Variants in CDKAL1 observed in about 807,000 individuals in gnomAD.
CDKAL1 encodes threonylcarbamoyladenosine tRNA methylthiotransferase.
A neutral mutation model predicts 68.2 loss-of-function variants in CDKAL1; 32 were observed. The ratio of observed to expected loss-of-function variants is 0.47; its 90% CI spans 0.35 to 0.63. CDKAL1 has a LOEUF of 0.63. CDKAL1 is among the 30% of genes least tolerant of loss of function. The pLI, the probability that CDKAL1 is intolerant of heterozygous loss-of-function variation, is 0.00. For synonymous variants in CDKAL1, 234 were observed against 244.3 expected (o/e 0.96, Z 0.39); for missense variants, 606 against 696.7 (o/e 0.87, Z 1.47).
chr6:20,544,363 C>A (rs1444393528), intron 2 of CDKAL1, among the ~76,000 whole-genome samples: 2 of 150,934 alleles, frequency 1.3e-5, no homozygotes, highest in African/African-American at 4.9e-5. Flanking sequence ...TTTGGGAGGC[C>A]GAGACGGGCG....
chr6:21,163,873 C>A (rs1487525430), intron 13 of CDKAL1, among the ~76,000 whole-genome samples: 1 of 152,100 alleles, frequency 6.6e-6, no homozygotes, highest in East Asian at 1.9e-4. Context: ...ATCCCTTGAA[C>A]CTGGGAGACG....
intron 8 of CDKAL1, among the ~76,000 whole-genome samples, chr6:20,798,032 T>C (rs1019810534): frequency 4.6e-5 from 7 of 151,958 alleles, no homozygotes; most frequent in African/African-American, 1.7e-4. Flanking sequence ...CCCAGGCTGG[T>C]CTTGAACTCC....
intron 4 of CDKAL1, among the ~76,000 whole-genome samples, chr6:20,623,168 A>T (rs1354322180): frequency 2.6e-5 from 4 of 152,060 alleles, no homozygotes; most frequent in Non-Finnish European, 2.9e-5. Context: ...GTTTTGGTCA[A>T]ATTTGGTTGT....
intron 13 of CDKAL1, among the ~76,000 whole-genome samples, chr6:21,156,623 A>G (rs1189164442): frequency 1.3e-5 from 2 of 152,230 alleles, no homozygotes; most frequent in African/African-American, 2.4e-5. Flanking sequence ...TTGTGGAGTG[A>G]TGGGACAAAT....
intron 9 of CDKAL1, among the ~76,000 whole-genome samples, chr6:20,852,313 G>T (rs572768041): frequency 6.6e-6 from 1 of 152,278 alleles, no homozygotes; most frequent in East Asian, 1.9e-4. Context: ...AGTATACACT[G>T]TACCAAGAGA....
At chr6:21,001,344 T>A (rs1767418551) in intron 11 of CDKAL1, among the ~76,000 whole-genome samples, 1 of 152,242 alleles carries the variant, frequency 6.6e-6, no homozygotes, top group South Asian at 2.1e-4. Flanking sequence ...CCACCTTTAA[T>A]TAGTCATTTA....
chr6:21,011,171 G>C (rs1767998287), intron 11 of CDKAL1, among the ~76,000 whole-genome samples: 1 of 151,246 alleles, frequency 6.6e-6, no homozygotes, highest in Non-Finnish European at 1.5e-5. Context: ...AAGGTCAGGG[G>C]ATTGAGAGCA....
intron 11 of CDKAL1, among the ~76,000 whole-genome samples, chr6:21,049,817 C>CTTT (rs58277582): frequency 1.5e-5 from 2 of 137,164 alleles, no homozygotes; most frequent in East Asian, 2.1e-4. Context: ...GTCTCTCATC[C>CTTT]TTTTTTTTTT....
At chr6:20,789,073 G>C (rs905926875) in intron 8 of CDKAL1, among the ~76,000 whole-genome samples, 2 of 152,152 alleles carry the variant, frequency 1.3e-5, no homozygotes, top group African/African-American at 4.8e-5. Context: ...GTAGAAAAGA[G>C]AATATGATAG....
intron 8 of CDKAL1, among the ~76,000 whole-genome samples, chr6:20,838,111 A>G (rs139511947): frequency 0.012 from 1,867 of 152,076 alleles, 17 homozygotes; most frequent in Non-Finnish European, 0.017. Context: ...TTAAAACAGT[A>G]TTTGTTACTG....
At chr6:20,994,470 T>C (rs542866302) in intron 10 of CDKAL1, among the ~76,000 whole-genome samples, 2 of 151,956 alleles carry the variant, frequency 1.3e-5, no homozygotes, top group African/African-American at 4.8e-5. Flanking sequence ...CAGAGTGAGA[T>C]GAAAAGAAAA....
chr6:21,161,663 T>C (rs549724194), intron 13 of CDKAL1, among the ~76,000 whole-genome samples: 1 of 152,328 alleles, frequency 6.6e-6, no homozygotes, highest in South Asian at 2.1e-4. Context: ...AAAAATTAAA[T>C]TTAGAGAAAA....
At chr6:20,747,087 A>G (rs2150334046) in intron 6 of CDKAL1, among the ~76,000 whole-genome samples, 1 of 152,194 alleles carries the variant, frequency 6.6e-6, no homozygotes, top group South Asian at 2.1e-4. Flanking sequence ...AATTGAAATC[A>G]TGCATTTTTT....
At chr6:20,706,224 C>T (rs1435412862) in intron 5 of CDKAL1, among the ~76,000 whole-genome samples, 2 of 152,280 alleles carry the variant, frequency 1.3e-5, no homozygotes, top group Admixed American at 6.5e-5. Flanking sequence ...CAGAGATACC[C>T]ATGCCTCTCA....
At chr6:20,570,788 C>T (rs192324266) in intron 4 of CDKAL1, among the ~76,000 whole-genome samples, 6 of 152,186 alleles carry the variant, frequency 3.9e-5, no homozygotes, top group Admixed American at 1.3e-4. Context: ...TCCTAGATAT[C>T]AAGGGATGGT....
At chr6:20,830,284 C>T (rs1317225511) in intron 8 of CDKAL1, among the ~76,000 whole-genome samples, 1 of 152,154 alleles carries the variant, frequency 6.6e-6, no homozygotes, top group Non-Finnish European at 1.5e-5. Flanking sequence ...TCTCTTTTCC[C>T]TTTCTTCAAA....
chr6:20,969,134 C>T (rs762577492), intron 10 of CDKAL1, among the ~76,000 whole-genome samples: 9 of 152,118 alleles, frequency 5.9e-5, no homozygotes, highest in African/African-American at 1.4e-4. Context: ...GAACAATGCA[C>T]GGCTTAGAGG....
At chr6:21,184,729 G>A (rs1266257103) in intron 13 of CDKAL1, among the ~76,000 whole-genome samples, 2 of 151,980 alleles carry the variant, frequency 1.3e-5, no homozygotes, top group Non-Finnish European at 2.9e-5. Context: ...TAGCTCACTG[G>A]TGCCTTGACC....
At chr6:20,974,944 A>C (rs1295378639) in intron 10 of CDKAL1, among the ~76,000 whole-genome samples, 2 of 141,106 alleles carry the variant, frequency 1.4e-5, no homozygotes, top group Non-Finnish European at 3.0e-5. Context: ...TCAACACTGC[A>C]CTCCAGCCTG....
Sources: gnomAD v4.1 joint callset for allele counts (sites outside exome capture counted in the v4.1 genomes callset) on GRCh38, gnomAD v4.1.1 for gene constraint, MANE v1.5 for transcripts, NCBI Gene and HGNC (gene_info 2026-07-23, HGNC 2026-07-21) for gene names.